Variants in DSC2 observed in about 807,000 individuals in gnomAD.
DSC2 encodes desmocollin 2.
Under a neutral mutation model 87.6 loss-of-function variants are expected in DSC2, and 51 were observed. The ratio of observed to expected loss-of-function variants is 0.58; its 90% confidence interval spans 0.46 to 0.74. DSC2 has a LOEUF of 0.74. DSC2 is among the 30% of genes least tolerant of loss of function. DSC2 has a pLI of 0.00. For synonymous variants in DSC2, 383 were observed against 393.2 expected, an observed-to-expected ratio of 0.97 and a Z score of 0.31; for missense variants, 1,066 against 1,089.5, an observed-to-expected ratio of 0.98 and a Z score of 0.30.
intron 3 of DSC2, 126 bp from the exon 4 acceptor site, chr18:31,091,273 T>G: frequency 8.8e-7 from 1 of 1,139,516 alleles, no homozygotes; most frequent in Non-Finnish European, 1.3e-6. Context: ...TGGGAGTGCT[T>G]GAAAACCAAA....
At position 31,086,708 on chromosome 18, in the gene DSC2, T is replaced by C; in HGVS notation, c.810A>G (p.Lys270=). ...TTVGQVCATD[K]DEPDTMHTRL... ...GTGTGTGCATCGTGTCAGGCTCATC[T>C]TTGTCAGTAGCACACACTTGTCCCA... Residue 270 remains lysine (K), a synonymous_variant, in exon 7 of 16, where the codon AAA becomes AAG. Transcript: ENST00000280904. 1 of 1,614,118 alleles carries C rather than the reference T, an allele frequency of 6.2e-7. No homozygotes were observed.
chr18:31,086,851 A>G (rs1987417793), intron 6 of DSC2, 109 bp from the exon 7 acceptor site: 2 of 1,188,848 alleles, frequency 1.7e-6, no homozygotes, highest in South Asian at 1.3e-5. Flanking sequence ...ACATTATTAC[A>G]TGGCAAAGTC....
intron 12 of DSC2, among the ~76,000 whole-genome samples, chr18:31,073,224 A>C (rs1986889645): frequency 6.6e-6 from 1 of 152,108 alleles, no homozygotes; most frequent in Admixed American, 6.6e-5. Flanking sequence ...AAGTAAGACT[A>C]TTGGGAAAAA....
Position 31,062,046 on chromosome 18 carries a change from A to T in DSC2, c.*5969T>A, listed in dbSNP as rs1029477963. 2.6e-5 allele frequency: 4 copies of T among 152,206 alleles called. No individual in the cohort carries two copies. The highest frequency in any genetic ancestry group is 9.7e-5 in the African/African-American group (4 of 41,444). 9.4% of individuals were successfully genotyped at this position (152,206 alleles called of 1,614,324 possible). A position where few individuals can be genotyped will look rare whatever the true frequency, so the allele number is the denominator to read the frequency against. ...TCTTACGTGTTATCTTCCAAGTGAC[A>T]TTATCAGTTCACAGCACAATATAGG... is the stretch of plus-strand genomic sequence containing the variant. On this transcript the variant is annotated 3_prime_UTR_variant, in exon 16 of 16. Transcript: ENST00000280904.
Position 31,080,351 on chromosome 18 carries a change from G to C in DSC2, c.1265C>G (p.Pro422Arg). 2 of 1,613,516 alleles carry C rather than the reference G, an allele frequency of 1.2e-6. No individual in the cohort carries two copies. Among genetic ancestry groups the C allele is most frequent in the Non-Finnish European group, 1.7e-6 (2 of 1,179,748 alleles). ...CTGTTGCTTTTCTTCATAATTCAAAGGCTACGAAAGCAAATGTATTGAAAA... is the reference window on the plus strand; with the variant it reads ...CTGTTGCTTTTCTTCATAATTCAAACGCTACGAAAGCAAATGTATTGAAAA... Reference protein sequence around the residue: ...TNEGVLCVVKPLNYEEKQQMI... With the variant: ...TNEGVLCVVKRLNYEEKQQMI... The change falls in exon 10 of 16, where the codon CCT (proline) becomes CGT (arginine). Residue 422 changes from proline to arginine, a missense_variant and splice_region_variant. Transcript: ENST00000280904.
chr18:31,085,624 A>C (rs985869803), intron 7 of DSC2, among the ~76,000 whole-genome samples: 1 of 152,018 alleles, frequency 6.6e-6, no homozygotes, highest in African/African-American at 2.4e-5. Flanking sequence ...ATATGTAATA[A>C]TGTCAAGCAT....
intron 9 of DSC2, among the ~76,000 whole-genome samples, chr18:31,081,251 TTTTC>T (rs1987209452): frequency 6.6e-6 from 1 of 152,172 alleles, no homozygotes; most frequent in African/African-American, 2.4e-5. Flanking sequence ...GGGCATCATA[TTTTC>T]TTTTTTTATG....
intron 1 of DSC2, chr18:31,101,494 G>A: frequency 1.5e-5 from 1 of 66,036 alleles, no homozygotes; most frequent in Non-Finnish European, 2.6e-5. Context: ...TCCCGGGGAA[G>A]GTGCCAGAGG....
Position 31,092,131 on chromosome 18 carries a change from T to A in DSC2, c.324A>T (p.Lys108Asn). ...TTTGATGCTCCAAAAAGACAAATATTTTCTTCTTTTCTTGGTTCTCAGTGT... is the reference window on the plus strand; with the variant it reads ...TTTGATGCTCCAAAAAGACAAATATATTCTTCTTTTCTTGGTTCTCAGTGT... ...LSNTENQEKK[K>N]IFVFLEHQTK... The change falls in exon 3 of 16, where the codon AAA becomes AAT. Residue 108 changes from lysine to asparagine, a missense_variant. Coordinates refer to ENST00000280904, the MANE Select transcript of DSC2 (RefSeq NM_024422.6). 1 of 1,613,136 alleles carries A rather than the reference T, an allele frequency of 6.2e-7. No individual in the cohort carries two copies.
At position 31,082,278 on chromosome 18, in the gene DSC2, G is replaced by A; in HGVS notation, c.1223C>T (p.Thr408Ile). The part of the protein sequence containing the change: ...GNENGNFKIV[T>I]DAKTNEGVLC... ...AACTCCTTCATTGGTTTTGGCATCT[G>A]TTACAATTTTAAAATTGCCATTTTC... Residue 408 changes from threonine (T) to isoleucine (I), a missense_variant, in exon 9 of 16, where the codon ACA (threonine) becomes ATA (isoleucine). Physicochemically the swap from Thr to Ile is moderately conservative, Grantham distance 89. Coordinates refer to ENST00000280904, the MANE Select transcript of DSC2 (RefSeq NM_024422.6). The A allele has an allele frequency of 6.2e-7, 1 of 1,613,578 alleles. No homozygotes were observed. Among genetic ancestry groups the A allele is most frequent in the African/African-American group, 1.3e-5 (1 of 74,996 alleles).
Position 31,067,928 on chromosome 18 carries a change from G to A in DSC2, c.*87C>T, listed in dbSNP as rs1287990624. 1.5e-5 allele frequency: 18 copies of A among 1,221,032 alleles called. No individual in the cohort carries two copies. Among genetic ancestry groups the A allele is most frequent in the Non-Finnish European group, 1.9e-5 (16 of 847,200 alleles). The allele number at this position is 1,221,032 out of a possible 1,614,324, so 75.6% of individuals were successfully genotyped here. On this transcript the variant is annotated 3_prime_UTR_variant, in exon 16 of 16. Coordinates refer to ENST00000280904, the MANE Select transcript of DSC2 (RefSeq NM_024422.6). ...AATGAGAGAAAAACCCCCACAAATA[G>A]CATCTTCTGCTTTAAAAAATTCTTG...
Position 31,074,723 on chromosome 18 carries a change from A to C in DSC2, c.1848T>G (p.Thr616=). ...GTCTCCACATTCTCTGTACTTCTGA[A>C]GTAGAACTCTCCAGACTAAAGTCAA... ...PPFDFSLESS[T]SEVQRMWRLK... The change falls in exon 12 of 16, where the codon ACT becomes ACG. Residue 616 remains threonine (T), a synonymous_variant. Transcript: ENST00000280904. 2 of 1,614,036 alleles carry C rather than the reference A, an allele frequency of 1.2e-6. No homozygotes were observed. The highest frequency in any genetic ancestry group is 1.7e-6 in the Non-Finnish European group (2 of 1,179,972).
chr18:31,089,699 C>T (rs1987528189), intron 4 of DSC2, 105 bp from the exon 5 acceptor site: 3 of 1,093,922 alleles, frequency 2.7e-6, no homozygotes, highest in Admixed American at 2.5e-5. Context: ...TAAATAATTG[C>T]CCTTAATTTA....
intron 1 of DSC2, 27 bp downstream of exon 1, chr18:31,101,876 C>A: frequency 6.5e-7 from 1 of 1,530,256 alleles, no homozygotes; most frequent in Non-Finnish European, 8.7e-7. Flanking sequence ...CCCCCTTCCC[C>A]GGAGCGGTGG....
chr18:31,090,078 T>C (rs1426961901), intron 4 of DSC2, among the ~76,000 whole-genome samples: 1 of 146,610 alleles, frequency 6.8e-6, no homozygotes, highest in Admixed American at 6.8e-5. Context: ...AGGAACTGAG[T>C]AAAAAAAAAA....
intron 1 of DSC2, among the ~76,000 whole-genome samples, chr18:31,096,666 T>C (rs1987770286): frequency 6.6e-6 from 1 of 152,186 alleles, no homozygotes; most frequent in Non-Finnish European, 1.5e-5. Context: ...TCTTATTTTT[T>C]TTAGTCTCAA....
intron 13 of DSC2, 122 bp downstream of exon 13, chr18:31,071,483 C>T (rs1986824602): frequency 1.2e-6 from 1 of 846,894 alleles, no homozygotes; most frequent in Admixed American, 1.8e-5. Context: ...GAGGCAGAGT[C>T]TGCAGTGAGC....
chr18:31,074,937 C>T, intron 11 of DSC2, 30 bp from the exon 12 acceptor site: 2 of 1,579,462 alleles, frequency 1.3e-6, no homozygotes, highest in Non-Finnish European at 1.7e-6. Flanking sequence ...AATAGTTTTT[C>T]TATGTTTTGA....
At chr18:31,082,788 C>G (rs1201679303) in intron 8 of DSC2, 138 bp downstream of exon 8, 2 of 930,780 alleles carry the variant, frequency 2.1e-6, no homozygotes, top group Non-Finnish European at 3.4e-6. Context: ...AAACTCCTGA[C>G]CTCAGGTGAT....
Sources: gnomAD v4.1 joint callset for allele counts (sites outside exome capture counted in the v4.1 genomes callset) on GRCh38, gnomAD v4.1.1 for gene constraint, MANE v1.5 for transcripts, NCBI Gene and HGNC (gene_info 2026-07-23, HGNC 2026-07-21) for gene names.